The following PTCHD1 variants were observed in gnomAD, a reference collection of about 807,000 sequenced individuals.
The protein encoded by PTCHD1 is patched domain-containing protein 1.
Under a neutral mutation model 34.6 loss-of-function variants are expected in PTCHD1, and 3 were observed. The observed-to-expected ratio is 0.09, with a 90% CI of 0.04 to 0.22. The LOEUF (loss-of-function observed/expected upper bound fraction) is 0.22, where lower values mean the gene tolerates loss of function less well. Ranked by LOEUF, PTCHD1 falls within the 10% of genes least tolerant of loss-of-function variation. The probability of loss-of-function intolerance (pLI) is 1.00; values close to 1 mark genes in which losing one functional copy is unlikely to be tolerated. For missense variants in PTCHD1, 504 were observed against 685.5 expected (o/e 0.74, Z 2.96); for synonymous variants, 305 against 283.1 (o/e 1.08, Z -0.77).
chrX:23,339,622 A>G (rs1475773051), intron 1 of PTCHD1, among the ~76,000 whole-genome samples: 1 of 112,564 alleles, frequency 8.9e-6, no homozygotes, highest in Non-Finnish European at 1.9e-5. Context: ...TCGGGGTCAC[A>G]AAGACTGGGT....
intron 1 of PTCHD1, 47 bp downstream of exon 1, chrX:23,335,273 G>T: frequency 1.9e-6 from 2 of 1,057,861 alleles, no homozygotes; most frequent in Non-Finnish European, 2.6e-6. Context: ...CCGCGGCCGC[G>T]GTCGGGCTGG....
At chrX:23,342,224 GAAGCATTA>G (rs2146609309) in intron 1 of PTCHD1, among the ~76,000 whole-genome samples, 1 of 93,017 alleles carries the variant, frequency 1.1e-5, no homozygotes, top group South Asian at 5.2e-4. Flanking sequence ...ACTACATTTA[GAAGCATTA>G]AATTTCTGGC....
intron 1 of PTCHD1, among the ~76,000 whole-genome samples, chrX:23,365,382 A>C (rs757943476): frequency 5.0e-4 from 56 of 111,494 alleles, no homozygotes; most frequent in African/African-American, 1.7e-3. Context: ...TCCAGAGGCT[A>C]TGAGAATTAT....
intron 1 of PTCHD1, among the ~76,000 whole-genome samples, chrX:23,341,183 C>T (rs1390385957): frequency 2.7e-5 from 3 of 111,644 alleles, no homozygotes; most frequent in Non-Finnish European, 1.9e-5. Context: ...GGAGAGGAAG[C>T]CCACCTTTGT....
In PTCHD1 at chrX:23,364,362, AAG is replaced by A. The variant is rs1269460434; in HGVS notation, c.352-15226_352-15225del. Among the ~76,000 whole-genome samples the A allele has an allele frequency of 3.9e-4, 37 of 93,991 alleles. No homozygotes were observed. In the East Asian group the frequency reaches 0.013, roughly 32 times the overall value. 81.6% of individuals were successfully genotyped at this position (93,991 alleles called of 115,157 possible). On this transcript the variant is annotated intron_variant, in intron 1 of 2. Transcript: ENST00000379361. ...GTATATAAATCATACCTTAATTATG[AAG>A]AGTGTAGACACACACACACACACAC...
chrX:23,345,716 G>T (rs1235622906), intron 1 of PTCHD1, among the ~76,000 whole-genome samples: 90 of 111,444 alleles, frequency 8.1e-4, no homozygotes, highest in African/African-American at 2.9e-3. Context: ...CTGCTATAAA[G>T]TATCCTAGAA....
At chrX:23,371,399 G>A (rs1373372521) in intron 1 of PTCHD1, among the ~76,000 whole-genome samples, 1 of 111,553 alleles carries the variant, frequency 9.0e-6, no homozygotes, top group African/African-American at 3.3e-5. Flanking sequence ...GCTACTCTGT[G>A]GGCAACTGGA....
At chrX:23,360,030 G>A (rs185104544) in intron 1 of PTCHD1, among the ~76,000 whole-genome samples, 42 of 112,089 alleles carry the variant, frequency 3.7e-4, no homozygotes, top group Admixed American at 3.3e-3. Context: ...CCTTTTTGAT[G>A]TGCTGCTAGA....
chrX:23,334,956 C>T lies in PTCHD1; in HGVS notation c.81C>T (p.Phe27=). 1 of 1,208,830 alleles carries T rather than the reference C, an allele frequency of 8.3e-7. No homozygotes were observed. Among genetic ancestry groups the T allele is most frequent in the Non-Finnish European group, 1.1e-6 (1 of 894,142 alleles). The change falls in exon 1 of 3, where the codon TTC becomes TTT. Residue 27 remains phenylalanine (F), a synonymous_variant. Transcript: ENST00000379361. The stretch of plus-strand genomic sequence containing the variant: ...ACTTCATTGCCAGTCACCCTGTCTT[C>T]TTCGCCTCGGCGCCGGTGCTCATCT... ...LGHFIASHPV[F]FASAPVLISI...
At position 23,396,038 on chromosome X, in the gene PTCHD1, G is replaced by C. The variant is rs1922981687; in HGVS notation, c.*1853G>C. ...CAAAGTAGGAACATAGGACTTCGTT[G>C]GCCACAGGGCAGACATTTTTTTAGT... is the stretch of plus-strand genomic sequence containing the variant. On this transcript the variant is annotated 3_prime_UTR_variant, in exon 3 of 3. Transcript: ENST00000379361. The C allele has an allele frequency of 8.9e-6, 1 of 112,062 alleles. No homozygotes were observed. Among genetic ancestry groups the C allele is most frequent in the Non-Finnish European group, 1.9e-5 (1 of 53,163 alleles). The allele number at this position is 112,062 out of a possible 1,213,427, so 9.2% of individuals were successfully genotyped here. A position where few individuals can be genotyped will look rare whatever the true frequency, so the allele number is the denominator to read the frequency against.
chrX:23,380,758 G>C (rs1922541402), intron 2 of PTCHD1, among the ~76,000 whole-genome samples: 1 of 111,152 alleles, frequency 9.0e-6, no homozygotes, highest in South Asian at 3.8e-4. Context: ...GGGACCTTTG[G>C]GAGACCTTGT....
intron 2 of PTCHD1, 86 bp downstream of exon 2, chrX:23,380,337 C>T (rs1380930078): frequency 1.1e-6 from 1 of 911,047 alleles, no homozygotes; most frequent in South Asian, 2.0e-5. Flanking sequence ...CTTCTAACAA[C>T]TTTGTTTCAT....
intron 1 of PTCHD1, among the ~76,000 whole-genome samples, chrX:23,339,775 TA>T (rs1184078659): frequency 8.9e-6 from 1 of 112,612 alleles, no homozygotes; most frequent in African/African-American, 3.2e-5. Context: ...TTTACAGTTT[TA>T]AAAGATTATA....
rs1466222048 is a variant in PTCHD1 at position 23,379,819 on chromosome X, G to A, written c.580G>A (p.Gly194Ser). The A allele has an allele frequency of 8.3e-7, 1 of 1,211,561 alleles. No individual in the cohort carries two copies. Reference sequence around the variant, plus strand: ...TGTGTACAATGGGCACCAGCTTGGGGGCGTCACTGTGCACAGCAAAGACCG... The same window carrying A: ...TGTGTACAATGGGCACCAGCTTGGGAGCGTCACTGTGCACAGCAAAGACCG... ...RAVYNGHQLG[G>S]VTVHSKDRVK... Residue 194 changes from glycine (G) to serine (S), a missense_variant, in exon 2 of 3, where the codon GGC becomes AGC. Gly to Ser is a moderately conservative substitution (Grantham distance 56). Coordinates refer to ENST00000379361, the MANE Select transcript of PTCHD1 (RefSeq NM_173495.3).
intron 1 of PTCHD1, among the ~76,000 whole-genome samples, chrX:23,356,790 C>T (rs1315867675): frequency 1.8e-5 from 2 of 111,980 alleles, no homozygotes; most frequent in Non-Finnish European, 3.8e-5. Context: ...TTAAAACCAT[C>T]ACGCACTTCA....
chrX:23,361,810 G>A (rs1404481849), intron 1 of PTCHD1, among the ~76,000 whole-genome samples: 1 of 111,813 alleles, frequency 8.9e-6, no homozygotes, highest in Non-Finnish European at 1.9e-5. Flanking sequence ...TCCATGTTTA[G>A]TGCTTCCTTC....
chrX:23,371,765 T>C (rs1922284270), intron 1 of PTCHD1, among the ~76,000 whole-genome samples: 1 of 111,135 alleles, frequency 9.0e-6, no homozygotes, highest in Non-Finnish European at 1.9e-5. Context: ...CAGGACTCAA[T>C]TGTAGATTAT....
In PTCHD1 at chrX:23,398,321, A is replaced by C. The variant is rs1284183311; in HGVS notation, c.*4136A>C. 1 of 112,098 alleles carries C rather than the reference A, an allele frequency of 8.9e-6. No individual in the cohort carries two copies. The highest frequency in any genetic ancestry group is 1.9e-5 in the Non-Finnish European group (1 of 53,229). 9.2% of individuals were successfully genotyped at this position (112,098 alleles called of 1,213,427 possible). On this transcript the variant is annotated 3_prime_UTR_variant, in exon 3 of 3. Coordinates refer to ENST00000379361, the MANE Select transcript of PTCHD1 (RefSeq NM_173495.3). ...AGGGCTACAAATACAATGAGTTGCC[A>C]CAGAAGGTAGTTAATTACCAGTCAT...
chrX:23,392,970 A>G lies in PTCHD1; in HGVS notation c.1452A>G (p.Val484=). ...EANTYESHLL[V]CFLKRYYCDW... ...ACACTTACGAGAGTCACCTATTGGT[A>G]TGTTTCCTCAAACGCTATTACTGTG... The change falls in exon 3 of 3, where the codon GTA becomes GTG. Residue 484 remains valine, a synonymous_variant. Transcript: ENST00000379361. The G allele has an allele frequency of 1.7e-6, 2 of 1,211,783 alleles. No individual in the cohort carries two copies. Among genetic ancestry groups the G allele is most frequent in the Non-Finnish European group, 2.2e-6 (2 of 895,243 alleles).
Sources: allele counts gnomAD v4.1 joint callset (sites outside exome capture counted in the v4.1 genomes callset), GRCh38; gene constraint gnomAD v4.1.1; transcripts MANE v1.5; gene names NCBI Gene and HGNC (gene_info 2026-07-23, HGNC 2026-07-21).